The following N4BP2L2 variants were observed in gnomAD, a reference collection of about 807,000 sequenced individuals.
The protein encoded by N4BP2L2 is NEDD4 binding protein 2 like 2.
Under a neutral mutation model 56.2 loss-of-function variants are expected in N4BP2L2, and 50 were observed. The ratio of observed to expected loss-of-function variants is 0.89; its 90% CI spans 0.71 to 1.13. The LOEUF (loss-of-function observed/expected upper bound fraction) is 1.13, where lower values mean the gene tolerates loss of function less well. N4BP2L2 is among the 50% of genes most tolerant of loss of function. The pLI is 0.00. For missense variants in N4BP2L2, 689 were observed against 693.8 expected (o/e 0.99, Z 0.08); for synonymous variants, 203 against 223.6 (o/e 0.91, Z 0.82).
chr13:32,446,484 T>G, intron 6 of N4BP2L2: 1 of 1,321,742 alleles, frequency 7.6e-7, no homozygotes. Context: ...AACCATCCTG[T>G]TGCAGGGCAA....
chr13:32,472,600 T>G (rs1593663683), intron 6 of N4BP2L2, among the ~76,000 whole-genome samples: 1 of 151,760 alleles, frequency 6.6e-6, no homozygotes, highest in South Asian at 2.1e-4. Context: ...ATATGCCACC[T>G]GGCCTAGAGC....
intron 2 of N4BP2L2, among the ~76,000 whole-genome samples, chr13:32,535,296 T>C (rs934080469): frequency 6.6e-6 from 1 of 152,240 alleles, no homozygotes; most frequent in Non-Finnish European, 1.5e-5. Flanking sequence ...CCAACTTTCC[T>C]TGAACAGCTG....
At chr13:32,490,511 A>G (rs1287501269) in intron 6 of N4BP2L2, among the ~76,000 whole-genome samples, 4 of 151,856 alleles carry the variant, frequency 2.6e-5, no homozygotes, top group African/African-American at 7.3e-5. Flanking sequence ...CACTATGTTG[A>G]CCAGGCTTGT....
intron 6 of N4BP2L2, chr13:32,477,782 AG>A: frequency 1.0e-6 from 1 of 986,228 alleles, no homozygotes; most frequent in Non-Finnish European, 1.4e-6. Context: ...GGGCCTGACC[AG>A]GTCTTGTTAA....
At chr13:32,468,570 C>T (rs1177707049) in intron 6 of N4BP2L2, among the ~76,000 whole-genome samples, 1 of 152,098 alleles carries the variant, frequency 6.6e-6, no homozygotes, top group Admixed American at 6.6e-5. Flanking sequence ...CAAATGTATT[C>T]CAATATACTG....
At chr13:32,436,663 G>C (rs1344401291) in intron 8 of N4BP2L2, among the ~76,000 whole-genome samples, 1 of 151,442 alleles carries the variant, frequency 6.6e-6, no homozygotes, top group African/African-American at 2.4e-5. Context: ...GGTGGTGCAT[G>C]CCTGTAGTCC....
intron 6 of N4BP2L2, among the ~76,000 whole-genome samples, chr13:32,486,916 T>C (rs948796787): frequency 3.3e-5 from 5 of 151,558 alleles, no homozygotes; most frequent in Non-Finnish European, 2.9e-5. Flanking sequence ...GGAGAATCAT[T>C]TGAACTCGGA....
At chr13:32,473,097 A>G (rs906460384) in intron 6 of N4BP2L2, among the ~76,000 whole-genome samples, 1 of 152,122 alleles carries the variant, frequency 6.6e-6, no homozygotes. Flanking sequence ...CCTGGCCAAC[A>G]TAGTGAAACC....
At chr13:32,517,434 GT>G in exon 6 of N4BP2L2, 1 of 998,136 alleles carries the variant, frequency 1.0e-6, no homozygotes, top group African/African-American at 1.7e-5. Flanking sequence ...AAACCGTAAA[GT>G]TTTATGAAAA....
intron 6 of N4BP2L2, among the ~76,000 whole-genome samples, chr13:32,479,298 ACT>A (rs912431636): frequency 6.6e-6 from 1 of 151,174 alleles, no homozygotes; most frequent in African/African-American, 2.4e-5. Flanking sequence ...ATGCAGTCTG[ACT>A]CTGTCGCCCA....
intron 6 of N4BP2L2, among the ~76,000 whole-genome samples, chr13:32,467,762 G>T (rs2081495711): frequency 6.6e-6 from 1 of 151,556 alleles, no homozygotes; most frequent in Non-Finnish European, 1.5e-5. Context: ...GCCAAGGCTG[G>T]TGGAATCACC....
At chr13:32,532,590 CTTTTTTTT>C (rs759146834) in intron 2 of N4BP2L2, among the ~76,000 whole-genome samples, 3 of 128,396 alleles carry the variant, frequency 2.3e-5, no homozygotes, top group Admixed American at 1.6e-4. Context: ...TTTCTTTTTT[CTTTTTTTT>C]TTTTTTTTTT....
chr13:32,538,462 A>G (rs1324478529), intron 1 of N4BP2L2, among the ~76,000 whole-genome samples, 156 bp downstream of exon 1: 1 of 152,180 alleles, frequency 6.6e-6, no homozygotes, highest in Non-Finnish European at 1.5e-5. Context: ...AGACACGCTC[A>G]GGTCCTGTCC....
chr13:32,446,282 G>T, intron 6 of N4BP2L2: 1 of 1,006,796 alleles, frequency 9.9e-7, no homozygotes, highest in Non-Finnish European at 1.4e-6. Context: ...AAACAGTTGT[G>T]ATGGGGCCTC....
chr13:32,527,550 C>A lies in N4BP2L2; in HGVS notation c.1260-18G>T, dbSNP rs775720917. 8.7e-6 allele frequency: 14 copies of A among 1,606,966 alleles called. No homozygotes were observed. The East Asian group carries it at 2.9e-4, about 33-fold the overall frequency. On this transcript the variant is annotated intron_variant, in intron 2 of 5. Coordinates refer to ENST00000267068, the Ensembl canonical transcript of N4BP2L2. ...GCAGAATTCTGTTAATAAAAGAAAT[C>A]ATAAAGGTGCCATTTACAAAATCTA...
At chr13:32,435,025 G>C (rs955822502) in intron 9 of N4BP2L2, among the ~76,000 whole-genome samples, 1 of 152,054 alleles carries the variant, frequency 6.6e-6, no homozygotes, top group Admixed American at 6.5e-5. Flanking sequence ...TGCTTGTACT[G>C]GTGTCTCCTC....
At chr13:32,490,087 CT>C (rs1441707256) in intron 6 of N4BP2L2, 1 of 152,090 alleles carries the variant, frequency 6.6e-6, no homozygotes, top group Non-Finnish European at 1.5e-5. Flanking sequence ...CACACATAAT[CT>C]TACCCTGGGC....
chr13:32,536,277 G>C (rs2056534081), exon 2 of N4BP2L2: 4 of 1,613,366 alleles, frequency 2.5e-6, no homozygotes, highest in African/African-American at 1.3e-5. Flanking sequence ...GGTATTACTT[G>C]TCCATTACAG....
chr13:32,481,118 C>CAAAAAAAAAAAAAAAA lies in N4BP2L2; in HGVS notation c.365+36723_365+36738dup, dbSNP rs60854435. On this transcript the variant is annotated intron_variant, in intron 6 of 9. Transcript: ENST00000357505. Reference sequence around the variant, plus strand: ...TCAGCAACAGAGTGAGACTCTGTCTCAAAAAAAAAAAAAAAAAAAAAAAAA... The same window carrying CAAAAAAAAAAAAAAAA: ...TCAGCAACAGAGTGAGACTCTGTCTCAAAAAAAAAAAAAAAAAAAAAAAAAAAAAAAAAAAAAAAAA... Among the ~76,000 whole-genome samples, 15 of 20,714 alleles carry CAAAAAAAAAAAAAAAA rather than the reference C, an allele frequency of 7.2e-4. 3 individuals carry two copies. The highest frequency in any genetic ancestry group is 2.8e-3 in the African/African-American group (15 of 5,406). 13.6% of individuals were successfully genotyped at this position (20,714 alleles called of 152,430 possible).
Sources: gnomAD v4.1 joint callset for allele counts (sites outside exome capture counted in the v4.1 genomes callset) on GRCh38, gnomAD v4.1.1 for gene constraint, MANE v1.5 for transcripts, NCBI Gene and HGNC (gene_info 2026-07-23, HGNC 2026-07-21) for gene names.